UBE3C: variants seen among roughly 807,000 people sequenced by gnomAD.
UBE3C encodes ubiquitin protein ligase E3C.
In UBE3C, 42 loss-of-function variants were observed where a neutral mutation model predicts 129.4. The observed-to-expected ratio is 0.32, with a 90% confidence interval of 0.25 to 0.42. UBE3C has a LOEUF of 0.42. UBE3C is among the 10% of genes least tolerant of loss of function. The pLI is 1.00. For synonymous variants in UBE3C, 510 were observed against 492.4 expected, an observed-to-expected ratio of 1.04 and a Z score of -0.47; for missense variants, 1,049 against 1,319.1, an observed-to-expected ratio of 0.80 and a Z score of 3.17.
At chr7:157,149,269 T>C (rs1354162067) in intron 1 of UBE3C, among the ~76,000 whole-genome samples, 2 of 152,168 alleles carry the variant, frequency 1.3e-5, no homozygotes, top group Non-Finnish European at 2.9e-5. Context: ...TTGGTCAGGC[T>C]GGTCTCGAAT....
At chr7:157,159,848 T>C (rs1488727567) in intron 1 of UBE3C, among the ~76,000 whole-genome samples, 1 of 152,220 alleles carries the variant, frequency 6.6e-6, no homozygotes, top group African/African-American at 2.4e-5. Context: ...TTTGCTTGCC[T>C]GATCTAATTA....
At chr7:157,146,739 C>CT (rs1383556521) in intron 1 of UBE3C, among the ~76,000 whole-genome samples, 1 of 152,200 alleles carries the variant, frequency 6.6e-6, no homozygotes, top group African/African-American at 2.4e-5. Flanking sequence ...ACTGCAAACT[C>CT]TGCCTTCTGG....
At chr7:157,235,128 TG>T (rs1423065478) in intron 18 of UBE3C, among the ~76,000 whole-genome samples, 4 of 152,094 alleles carry the variant, frequency 2.6e-5, no homozygotes, top group African/African-American at 7.2e-5. Context: ...AGGCGGAGGT[TG>T]TGGTGAGCCA....
At chr7:157,228,341 G>A (rs1374676498) in intron 17 of UBE3C, among the ~76,000 whole-genome samples, 2 of 152,168 alleles carry the variant, frequency 1.3e-5, no homozygotes, top group Admixed American at 1.3e-4. Flanking sequence ...GGAATATTGG[G>A]AGAAACCGTC....
intron 18 of UBE3C, 40 bp from the exon 19 acceptor site, chr7:157,248,328 G>A: frequency 6.4e-7 from 1 of 1,566,688 alleles, no homozygotes; most frequent in Non-Finnish European, 8.7e-7. Flanking sequence ...TAGAAGGCTT[G>A]TATATTCGAT....
chr7:157,235,298 G>A (rs1480996374), intron 18 of UBE3C, among the ~76,000 whole-genome samples: 1 of 152,188 alleles, frequency 6.6e-6, no homozygotes, highest in Non-Finnish European at 1.5e-5. Context: ...TGAAAATAAA[G>A]GTGAGTGTTC....
chr7:157,220,559 A>T, intron 14 of UBE3C, 130 bp from the exon 15 acceptor site: 1 of 861,048 alleles, frequency 1.2e-6, no homozygotes, highest in Non-Finnish European at 1.8e-6. Flanking sequence ...GGGGACATGA[A>T]GGTATGAGGT....
chr7:157,229,703 C>T (rs1199739232), intron 17 of UBE3C, among the ~76,000 whole-genome samples: 1 of 152,114 alleles, frequency 6.6e-6, no homozygotes, highest in African/African-American at 2.4e-5. Context: ...TCATAGCTCA[C>T]TGCAGCCTCA....
chr7:157,165,068 C>T (rs893634985), intron 2 of UBE3C, among the ~76,000 whole-genome samples: 1 of 152,188 alleles, frequency 6.6e-6, no homozygotes, highest in Non-Finnish European at 1.5e-5. Flanking sequence ...TCCGTTACCT[C>T]AGTTGTGACA....
rs3757829 is a variant in UBE3C, at chr7:157,260,549, C to T, written c.3081+3505C>T. On this transcript the variant is annotated intron_variant, in intron 22 of 22. Transcript: ENST00000348165. ...AAGAGCAGGAGGACTGCAGGTGAGG[C>T]GTGCAGACGACTTTTTATCGGTAAA... 3.4e-4 allele frequency among the ~76,000 whole-genome samples: 51 copies of T among 152,204 alleles called. No individual in the cohort carries two copies. In the East Asian group the frequency reaches 9.6e-3, roughly 29 times the overall value.
chr7:157,236,766 C>G (rs965289512), intron 18 of UBE3C, among the ~76,000 whole-genome samples: 2 of 151,784 alleles, frequency 1.3e-5, no homozygotes, highest in Non-Finnish European at 2.9e-5. Context: ...GAGTCTCACT[C>G]TGTTGCCCAG....
chr7:157,170,342 C>A lies in UBE3C; in HGVS notation c.234C>A (p.Thr78=). ...GAAGTGCATTTGATCGCTGTGCTAC[C>A]TTGTCACAGTCCGGGGGCGCTTTTC... The part of the protein sequence containing the change: ...IQRSAFDRCA[T]LSQSGGAFPI... The change falls in exon 4 of 23, where the codon ACC becomes ACA. Residue 78 remains threonine, a synonymous_variant. Coordinates refer to ENST00000348165, the MANE Select transcript of UBE3C (RefSeq NM_014671.3). 1.3e-6 allele frequency: 2 copies of A among 1,557,442 alleles called. No individual in the cohort carries two copies. The highest frequency in any genetic ancestry group is 1.4e-5 in the African/African-American group (1 of 71,752).
chr7:157,172,970 T>G (rs1808418949), intron 4 of UBE3C, among the ~76,000 whole-genome samples: 1 of 152,202 alleles, frequency 6.6e-6, no homozygotes, highest in South Asian at 2.1e-4. Context: ...TGGAGGTAAA[T>G]GAACATATTT....
chr7:157,220,168 A>G (rs1332033698), intron 14 of UBE3C, among the ~76,000 whole-genome samples: 1 of 152,144 alleles, frequency 6.6e-6, no homozygotes, highest in Non-Finnish European at 1.5e-5. Context: ...CTGAGGTCGC[A>G]CCACTGCATT....
intron 14 of UBE3C, among the ~76,000 whole-genome samples, chr7:157,219,031 A>G (rs1211448869): frequency 3.9e-5 from 6 of 152,212 alleles, no homozygotes; most frequent in Non-Finnish European, 8.8e-5. Context: ...TTTTGCATAG[A>G]AGTATTCCAG....
intron 18 of UBE3C, chr7:157,231,916 TG>T (rs34507522): frequency 0.95 from 145,280 of 152,286 alleles, 69,356 homozygotes; most frequent in East Asian, 0.99. Context: ...CCACACTCTT[TG>T]GGGGGGGAGG....
At chr7:157,164,562 GT>G (rs1808162687) in intron 2 of UBE3C, 1 of 420,374 alleles carries the variant, frequency 2.4e-6, no homozygotes, top group African/African-American at 2.1e-5. Context: ...CATTTTTATT[GT>G]TTATCCTACG....
intron 1 of UBE3C, among the ~76,000 whole-genome samples, chr7:157,148,730 T>C (rs1024471947): frequency 7.1e-6 from 1 of 140,102 alleles, no homozygotes; most frequent in Non-Finnish European, 1.5e-5. Context: ...TCAAATTAGT[T>C]CTTTTTTTTT....
Position 157,163,728 on chromosome 7 carries a change from T to G in UBE3C, c.67-82T>G, listed in dbSNP as rs192888800. 1.1e-4 allele frequency: 155 copies of G among 1,468,102 alleles called. 1 individual carries two copies. The East Asian group carries it at 3.5e-3, about 33-fold the overall frequency. The allele number at this position is 1,468,102 out of a possible 1,614,324, so 90.9% of individuals were successfully genotyped here. The stretch of plus-strand genomic sequence containing the variant: ...ATGATCTTTAGGATCTTTTTTTGGG[T>G]GAAAACATTCTGTAATTTTTGTATG... On this transcript the variant is annotated intron_variant, in intron 1 of 22. Transcript: ENST00000348165.
Sources: gnomAD v4.1 joint callset for allele counts (sites outside exome capture counted in the v4.1 genomes callset) on GRCh38, gnomAD v4.1.1 for gene constraint, MANE v1.5 for transcripts, NCBI Gene and HGNC (gene_info 2026-07-23, HGNC 2026-07-21) for gene names.